CAST: variants seen among roughly 807,000 people sequenced by gnomAD.
The protein encoded by CAST is calpastatin.
A neutral mutation model predicts 119.6 loss-of-function variants in CAST; 76 were observed. The ratio of observed to expected loss-of-function variants is 0.64; its 90% CI spans 0.53 to 0.77. CAST has a LOEUF of 0.77. CAST is among the 30% of genes least tolerant of loss of function. The pLI is 0.00. For missense variants in CAST, 953 were observed against 946.5 expected, an observed-to-expected ratio of 1.01 and a Z score of -0.09; for synonymous variants, 319 against 331.6, an observed-to-expected ratio of 0.96 and a Z score of 0.41.
chr5:96,204,752 A>G, the CAST span, among the ~76,000 whole-genome samples: 2 of 151,868 alleles, frequency 1.3e-5, no homozygotes, highest in Non-Finnish European at 2.9e-5. Flanking sequence ...CAGAATCTGT[A>G]TATTTTCAGT....
the CAST span, among the ~76,000 whole-genome samples, chr5:95,989,759 C>T: frequency 3.3e-5 from 5 of 151,878 alleles, no homozygotes; most frequent in East Asian, 1.9e-4. Context: ...TCATTATGTC[C>T]AATGTATGAT....
At chr5:96,060,629 A>G in the CAST span, among the ~76,000 whole-genome samples, 2 of 152,058 alleles carry the variant, frequency 1.3e-5, no homozygotes, top group Non-Finnish European at 2.9e-5. Flanking sequence ...CCCATCTCTG[A>G]GTAGGGCCCA....
chr5:96,015,024 T>C, the CAST span, among the ~76,000 whole-genome samples: 1 of 152,166 alleles, frequency 6.6e-6, no homozygotes, highest in South Asian at 2.1e-4. Flanking sequence ...AAGTAGGTAC[T>C]GTCACTATCC....
chr5:96,423,082 C>T, the CAST span, among the ~76,000 whole-genome samples: 2 of 152,170 alleles, frequency 1.3e-5, no homozygotes, highest in Admixed American at 1.3e-4. Context: ...CCTTCTTCTC[C>T]CAACACATAT....
At chr5:96,551,253 G>A (rs1372668271) in intron 1 of CAST, among the ~76,000 whole-genome samples, 5 of 152,102 alleles carry the variant, frequency 3.3e-5, no homozygotes, top group African/African-American at 4.8e-5. Context: ...AGAGAGTGGG[G>A]GCCAATATTC....
At chr5:96,675,871 A>G in intron 2 of CAST, 1 of 324,780 alleles carries the variant, frequency 3.1e-6, no homozygotes, top group South Asian at 9.8e-5. Flanking sequence ...GAACTGGTGA[A>G]TCCAAATTGT....
chr5:96,233,319 T>C, the CAST span, among the ~76,000 whole-genome samples: 2 of 152,048 alleles, frequency 1.3e-5, no homozygotes, highest in Admixed American at 6.6e-5. Context: ...AGGAAAGATA[T>C]AGGACTGGGA....
At chr5:96,664,948 A>G (rs1440230391) in intron 1 of CAST, among the ~76,000 whole-genome samples, 1 of 152,246 alleles carries the variant, frequency 6.6e-6, no homozygotes, top group Non-Finnish European at 1.5e-5. Flanking sequence ...CAGAGTTGAC[A>G]TCAAAATTCT....
chr5:96,563,106 C>G (rs776646191), intron 1 of CAST, among the ~76,000 whole-genome samples: 13 of 152,170 alleles, frequency 8.5e-5, no homozygotes, highest in Non-Finnish European at 1.8e-4. Context: ...TCTGAACAAA[C>G]AGGCCTGCTA....
the CAST span, among the ~76,000 whole-genome samples, chr5:96,472,951 C>A: frequency 6.6e-6 from 1 of 152,168 alleles, no homozygotes; most frequent in Non-Finnish European, 1.5e-5. Flanking sequence ...CAGTACATAG[C>A]AGCCCGAAGC....
chr5:96,614,252 G>A (rs959619292), intron 1 of CAST, among the ~76,000 whole-genome samples: 17 of 152,162 alleles, frequency 1.1e-4, no homozygotes, highest in Non-Finnish European at 1.6e-4. Context: ...CCTCTGGATG[G>A]AGTGTTAGCT....
chr5:96,411,116 C>A, the CAST span: 1 of 772,358 alleles, frequency 1.3e-6, no homozygotes, highest in South Asian at 1.5e-5. Flanking sequence ...ATTTTCAATT[C>A]CAGATCTTTT....
At chr5:96,654,516 G>A (rs781460339) in intron 1 of CAST, among the ~76,000 whole-genome samples, 5 of 152,056 alleles carry the variant, frequency 3.3e-5, no homozygotes, top group East Asian at 1.9e-4. Flanking sequence ...CTTTTTCTCC[G>A]ATGTTATATT....
At chr5:96,093,132 A>G in the CAST span, among the ~76,000 whole-genome samples, 3 of 152,134 alleles carry the variant, frequency 2.0e-5, no homozygotes, top group African/African-American at 7.2e-5. Context: ...TACATTTCTC[A>G]AATTAAAATA....
chr5:96,520,855 A>C (rs1745506567), upstream of CAST, among the ~76,000 whole-genome samples: 1 of 152,202 alleles, frequency 6.6e-6, no homozygotes, highest in Admixed American at 6.5e-5. Context: ...TGAATGGAGC[A>C]AGTTGACTTC....
At chr5:96,132,395 ATTTC>A in the CAST span, among the ~76,000 whole-genome samples, 3 of 152,182 alleles carry the variant, frequency 2.0e-5, no homozygotes, top group East Asian at 3.9e-4. Flanking sequence ...TCAAATATTT[ATTTC>A]TTTGTGTTGA....
At chr5:96,555,092 C>T (rs889219877) in intron 1 of CAST, among the ~76,000 whole-genome samples, 2 of 152,204 alleles carry the variant, frequency 1.3e-5, no homozygotes, top group African/African-American at 4.8e-5. Flanking sequence ...ATGATAAAGG[C>T]AGATGCACAC....
chr5:96,565,444 A>G (rs886382687), intron 1 of CAST, among the ~76,000 whole-genome samples: 1 of 152,216 alleles, frequency 6.6e-6, no homozygotes, highest in Non-Finnish European at 1.5e-5. Context: ...ACATGGCATT[A>G]TAAGCATTTA....
At chr5:96,002,794 G>C in the CAST span, among the ~76,000 whole-genome samples, 1 of 152,144 alleles carries the variant, frequency 6.6e-6, no homozygotes, top group Non-Finnish European at 1.5e-5. Context: ...AAAATGCAAG[G>C]CTGCTCTGAA....
Sources: gnomAD v4.1 joint callset for allele counts (sites outside exome capture counted in the v4.1 genomes callset) on GRCh38, gnomAD v4.1.1 for gene constraint, MANE v1.5 for transcripts, NCBI Gene and HGNC (gene_info 2026-07-23, HGNC 2026-07-21) for gene names.